MOCS1: variants seen among roughly 807,000 people sequenced by gnomAD.
MOCS1 encodes the protein molybdenum cofactor biosynthesis protein 1.
A neutral mutation model predicts 57.6 loss-of-function variants in MOCS1; 39 were observed. The ratio of observed to expected loss-of-function variants is 0.68; its 90% confidence interval spans 0.52 to 0.88. The LOEUF is 0.88. Among genes scored for constraint, MOCS1 ranks in the 40% least tolerant of loss-of-function variants. The pLI is 0.00. For missense variants in MOCS1, 795 were observed against 831.1 expected, an observed-to-expected ratio of 0.96 and a Z score of 0.53; for synonymous variants, 334 against 335.7, an observed-to-expected ratio of 1.00 and a Z score of 0.05.
Position 39,930,500 on chromosome 6 carries a change from A to C in MOCS1, c.124-3045T>G, listed in dbSNP as rs1768589838. On this transcript the variant is annotated intron_variant, in intron 1 of 10. Transcript: ENST00000340692. The stretch of plus-strand genomic sequence containing the variant: ...AAATAGTCCTGTCCCTAATGTAAGC[A>C]GAAAGGTCGTATATGCAAAAGCCAG... Among the ~76,000 whole-genome samples, 4 of 152,010 alleles carry C rather than the reference A, an allele frequency of 2.6e-5. No homozygotes were observed. The South Asian group carries it at 8.3e-4, about 32-fold the overall frequency.
At position 39,906,042 on chromosome 6, in the gene MOCS1, G is replaced by T; in HGVS notation, c.*315C>A. 1.8e-6 allele frequency: 1 copy of T among 560,148 alleles called. No individual in the cohort carries two copies. The allele number at this position is 560,148 out of a possible 1,614,324, so 34.7% of individuals were successfully genotyped here. ...TGGGCTGGACTGTCGGAACCTGGTT[G>T]TCTGAAATAGTCCACAAAGAACATG... On this transcript the variant is annotated 3_prime_UTR_variant, in exon 11 of 11. Coordinates refer to ENST00000340692, the MANE Select transcript of MOCS1 (RefSeq NM_001358530.2).
At chr6:39,907,152 G>A (rs1184410928) in intron 10 of MOCS1, 35 bp from the exon 11 acceptor site, 2 of 1,577,494 alleles carry the variant, frequency 1.3e-6, no homozygotes, top group Non-Finnish European at 1.7e-6. Flanking sequence ...GAAACACTAA[G>A]TCCAAAAGGC....
Position 39,906,921 on chromosome 6 carries a change from G to C in MOCS1, c.1347C>G (p.Tyr449Ter). The change falls in exon 11 of 11, where the codon TAC becomes TAG. Residue 449 changes from tyrosine to a stop codon, truncating the protein, a stop_gained. Coordinates refer to ENST00000340692, the MANE Select transcript of MOCS1 (RefSeq NM_001358530.2). LOFTEE classifies it high-confidence loss of function. ...RLGSGSFQRH[Y>*]TSRADSDANS... ...TGGCATCTGAGTCTGCACGGGAAGTGTAGTGTCTCTGAAAGGAGCCAGACC... is the reference window on the plus strand; with the variant it reads ...TGGCATCTGAGTCTGCACGGGAAGTCTAGTGTCTCTGAAAGGAGCCAGACC... The C allele has an allele frequency of 6.2e-7, 1 of 1,614,182 alleles. No homozygotes were observed. The highest frequency in any genetic ancestry group is 8.5e-7 in the Non-Finnish European group (1 of 1,180,032).
At chr6:39,924,973 T>C (rs1384684107) in intron 3 of MOCS1, among the ~76,000 whole-genome samples, 2 of 152,108 alleles carry the variant, frequency 1.3e-5, no homozygotes, top group African/African-American at 4.8e-5. Context: ...CCAGCTACTC[T>C]GGAGGCTGAG....
Position 39,906,171 on chromosome 6 carries a change from C to A in MOCS1, c.*186G>T. ...GGTATCCTCCCTATAGAAAGGAAGC[C>A]CCATTGGTCATTAGAGATCATCTAG... On this transcript the variant is annotated 3_prime_UTR_variant, in exon 11 of 11. Coordinates refer to ENST00000340692, the MANE Select transcript of MOCS1 (RefSeq NM_001358530.2). 1.3e-6 allele frequency: 1 copy of A among 787,338 alleles called. No homozygotes were observed. The highest frequency in any genetic ancestry group is 2.2e-6 in the Non-Finnish European group (1 of 452,760). The allele number at this position is 787,338 out of a possible 1,614,324, so 48.8% of individuals were successfully genotyped here.
At chr6:39,907,948 C>T (rs1767059139) in intron 10 of MOCS1, among the ~76,000 whole-genome samples, 2 of 152,224 alleles carry the variant, frequency 1.3e-5, no homozygotes, top group South Asian at 4.1e-4. Context: ...CAAATGCTCC[C>T]CCAGCTTCCC....
rs560625502 is a variant in MOCS1 at position 39,909,149 on chromosome 6, G to T, written c.1103-47C>A. ...GAGGGAGAGGAAAGCAGGGGAGGGGGAGAGGGAGAGGAAAGCAGGGGAGGG... is the reference window on the plus strand; with the variant it reads ...GAGGGAGAGGAAAGCAGGGGAGGGGTAGAGGGAGAGGAAAGCAGGGGAGGG... On this transcript the variant is annotated intron_variant, in intron 9 of 10. Coordinates refer to ENST00000340692, the MANE Select transcript of MOCS1 (RefSeq NM_001358530.2). The T allele has an allele frequency of 1.5e-5, 17 of 1,105,332 alleles. No homozygotes were observed. The African/African-American group carries it at 2.6e-4, about 17-fold the overall frequency. 68.5% of individuals were successfully genotyped at this position (1,105,332 alleles called of 1,614,324 possible).
In MOCS1 at chr6:39,927,280, C is replaced by T. The variant is rs757620248; in HGVS notation, c.250+49G>A. ...AGGCACAGGGAAATTTCAAGGGCTG[C>T]TTCAGCAGATGGACACCAGCCCAGA... is the stretch of plus-strand genomic sequence containing the variant. On this transcript the variant is annotated intron_variant, in intron 2 of 10. Coordinates refer to ENST00000340692, the MANE Select transcript of MOCS1 (RefSeq NM_001358530.2). 5 of 1,601,874 alleles carry T rather than the reference C, an allele frequency of 3.1e-6. No homozygotes were observed. In the South Asian group the frequency reaches 4.4e-5, roughly 14 times the overall value.
In MOCS1 at chr6:39,906,991, C is replaced by A. The variant is rs771777950; in HGVS notation, c.1277G>T (p.Gly426Val). The A allele has an allele frequency of 6.2e-7, 1 of 1,614,058 alleles. No homozygotes were observed. The highest frequency in any genetic ancestry group is 1.7e-5 in the Admixed American group (1 of 60,014). Residue 426 changes from glycine (G) to valine (V), a missense_variant, in exon 11 of 11, where the codon GGA becomes GTA. By Grantham distance (109) the Gly-to-Val change is moderately radical. Coordinates refer to ENST00000340692, the MANE Select transcript of MOCS1 (RefSeq NM_001358530.2). ...FSSQVATLWK[G>V]CRVPQTPPLA... ...AGGAGGGGTCTGGGGGACCCTGCAT[C>A]CTTTCCATAAAGTGGCCACCTGGCT...
intron 10 of MOCS1, among the ~76,000 whole-genome samples, chr6:39,907,738 A>G (rs1402298725): frequency 2.0e-5 from 3 of 152,048 alleles, no homozygotes; most frequent in African/African-American, 7.2e-5. Flanking sequence ...TGGCTTATGG[A>G]CCAGCAGCAC....
intron 3 of MOCS1, among the ~76,000 whole-genome samples, chr6:39,921,374 G>C (rs1767960289): frequency 6.6e-6 from 1 of 151,312 alleles, no homozygotes; most frequent in Non-Finnish European, 1.5e-5. Context: ...ACTCCAGCCT[G>C]GGCGACAGAG....
intron 8 of MOCS1, 147 bp from the exon 9 acceptor site, chr6:39,910,102 C>T (rs537900846): frequency 2.9e-5 from 36 of 1,240,814 alleles, no homozygotes; most frequent in Middle Eastern, 2.4e-4. Flanking sequence ...CAGTGAGAGA[C>T]AGAGGTGCTG....
intron 8 of MOCS1, among the ~76,000 whole-genome samples, chr6:39,910,346 C>T (rs1310530740): frequency 6.6e-6 from 1 of 152,198 alleles, no homozygotes. Context: ...CTGGAAGTCT[C>T]CTACCCCTGT....
At chr6:39,907,344 G>T (rs953310060) in intron 10 of MOCS1, among the ~76,000 whole-genome samples, 1 of 151,950 alleles carries the variant, frequency 6.6e-6, no homozygotes, top group Non-Finnish European at 1.5e-5. Context: ...GATGTACAGG[G>T]TAACAGCCCT....
At chr6:39,915,377 C>G (rs558535906) in intron 4 of MOCS1, among the ~76,000 whole-genome samples, 1 of 152,242 alleles carries the variant, frequency 6.6e-6, no homozygotes, top group East Asian at 1.9e-4. Context: ...GTCTCCCTGC[C>G]ACCCCTCTGA....
chr6:39,930,322 A>G (rs1768580425), intron 1 of MOCS1, among the ~76,000 whole-genome samples: 1 of 152,184 alleles, frequency 6.6e-6, no homozygotes, highest in African/African-American at 2.4e-5. Flanking sequence ...GAGGGCTGGG[A>G]CATGCCAGAA....
chr6:39,924,818 C>A (rs1056754614), intron 3 of MOCS1, among the ~76,000 whole-genome samples: 2 of 152,162 alleles, frequency 1.3e-5, no homozygotes, highest in Admixed American at 1.3e-4. Context: ...GTGGCTCACG[C>A]CTGTAATCTC....
intron 8 of MOCS1, 144 bp from the exon 9 acceptor site, chr6:39,910,099 A>C (rs1347943423): frequency 8.0e-7 from 1 of 1,255,498 alleles, no homozygotes; most frequent in Non-Finnish European, 1.1e-6. Context: ...TAGCAGTGAG[A>C]GACAGAGGTG....
chr6:39,913,262 C>T (rs1767447039), intron 6 of MOCS1, 55 bp downstream of exon 6: 3 of 1,481,722 alleles, frequency 2.0e-6, no homozygotes, highest in East Asian at 2.3e-5. Context: ...CCACACTATG[C>T]GACCTGCAGG....
Sources: gnomAD v4.1 joint callset for allele counts (sites outside exome capture counted in the v4.1 genomes callset) on GRCh38, gnomAD v4.1.1 for gene constraint, MANE v1.5 for transcripts, NCBI Gene and HGNC (gene_info 2026-07-23, HGNC 2026-07-21) for gene names.